The following MARCHF3 variants were observed in gnomAD, a reference collection of about 807,000 sequenced individuals.
The protein encoded by MARCHF3 is membrane associated ring-CH-type finger 3, also known as E3 ubiquitin-protein ligase MARCHF3.
Under a neutral mutation model 24.2 loss-of-function variants are expected in MARCHF3, and 13 were observed. The observed-to-expected ratio is 0.54, with a 90% CI of 0.35 to 0.85. MARCHF3 has a LOEUF of 0.85. Among genes scored for constraint, MARCHF3 ranks in the 40% least tolerant of loss-of-function variants. The probability of loss-of-function intolerance (pLI) is 0.01; values close to 1 mark genes in which losing one functional copy is unlikely to be tolerated. For synonymous variants in MARCHF3, 144 were observed against 137.3 expected (o/e 1.05, Z -0.34); for missense variants, 276 against 325.0 (o/e 0.85, Z 1.16).
At chr5:126,994,685 C>G (rs1422812604) in intron 1 of MARCHF3, among the ~76,000 whole-genome samples, 1 of 152,160 alleles carries the variant, frequency 6.6e-6, no homozygotes. Flanking sequence ...ACAGAACTAA[C>G]AGGATATATG....
chr5:127,001,997 A>G (rs969709368), intron 1 of MARCHF3, among the ~76,000 whole-genome samples: 4 of 152,238 alleles, frequency 2.6e-5, no homozygotes, highest in African/African-American at 9.6e-5. Flanking sequence ...CTAGAACACT[A>G]CAGAATGGAC....
At chr5:126,932,543 G>C (rs559698803) in intron 1 of MARCHF3, among the ~76,000 whole-genome samples, 49 of 152,264 alleles carry the variant, frequency 3.2e-4, no homozygotes, top group African/African-American at 1.1e-3. Context: ...GGGGAGGATG[G>C]GCCAGAGCTT....
At chr5:126,900,192 T>C (rs1337850651) in intron 3 of MARCHF3, among the ~76,000 whole-genome samples, 1 of 152,008 alleles carries the variant, frequency 6.6e-6, no homozygotes, top group Non-Finnish European at 1.5e-5. Flanking sequence ...GAAAGGCTTA[T>C]CGGCAAAGAA....
Position 126,895,056 on chromosome 5 carries a change from C to T in MARCHF3, c.394-16662G>A, listed in dbSNP as rs563629860. Among the ~76,000 whole-genome samples, 463 of 152,032 alleles carry T rather than the reference C, an allele frequency of 3.0e-3. 1 individual carries two copies. Among genetic ancestry groups the T allele is most frequent in the African/African-American group, 0.011 (445 of 41,470 alleles). ...ACTTCCCTTCTCGCTTCATTTCATT[C>T]ATTTCATCTTCCATTGCTGATGCCC... On this transcript the variant is annotated intron_variant, in intron 3 of 4. Transcript: ENST00000308660.
At chr5:126,937,954 A>T (rs1749700703) in intron 1 of MARCHF3, among the ~76,000 whole-genome samples, 1 of 152,172 alleles carries the variant, frequency 6.6e-6, no homozygotes, top group Non-Finnish European at 1.5e-5. Context: ...TGCTCTTTTG[A>T]TAAGACTCAA....
intron 1 of MARCHF3, among the ~76,000 whole-genome samples, chr5:126,999,477 A>G (rs1752053972): frequency 1.3e-5 from 2 of 152,048 alleles, no homozygotes; most frequent in Non-Finnish European, 2.9e-5. Flanking sequence ...TTGTTCTCTC[A>G]GGCTACTCTC....
intron 3 of MARCHF3, among the ~76,000 whole-genome samples, chr5:126,878,797 A>T (rs7716410): frequency 6.6e-6 from 1 of 151,886 alleles, no homozygotes; most frequent in African/African-American, 2.4e-5. Context: ...GAAACGGTTG[A>T]GTTGCTCAAG....
At chr5:126,915,931 A>C (rs1754713277) in intron 2 of MARCHF3, among the ~76,000 whole-genome samples, 1 of 152,212 alleles carries the variant, frequency 6.6e-6, no homozygotes, top group African/African-American at 2.4e-5. Context: ...AAGTAACTTC[A>C]TCTCCCCATA....
At chr5:126,933,501 G>T (rs1749541630) in intron 1 of MARCHF3, among the ~76,000 whole-genome samples, 1 of 150,564 alleles carries the variant, frequency 6.6e-6, no homozygotes, top group South Asian at 2.1e-4. Context: ...CTGGAATGCA[G>T]TGGTGCGATC....
intron 1 of MARCHF3, among the ~76,000 whole-genome samples, chr5:126,947,888 G>C (rs116044745): frequency 2.2e-4 from 33 of 152,028 alleles, no homozygotes; most frequent in African/African-American, 7.2e-4. Context: ...TGGGAGGGGT[G>C]GGGGGGCAGC....
At position 126,918,037 on chromosome 5, in the gene MARCHF3, T is replaced by C; in HGVS notation, c.135A>G (p.Ser45=). The C allele has an allele frequency of 6.2e-7, 1 of 1,614,180 alleles. No individual in the cohort carries two copies. The highest frequency in any genetic ancestry group is 1.3e-5 in the African/African-American group (1 of 75,048). The change falls in exon 2 of 5, where the codon TCA becomes TCG. Residue 45 remains serine, a synonymous_variant. Coordinates refer to ENST00000308660, the MANE Select transcript of MARCHF3 (RefSeq NM_178450.5). ...NGQPQYVMQV[S]AKDGQLLSTV... is the part of the protein sequence containing the mutation. ...TTGACAGCAGCTGCCCGTCCTTGGC[T>C]GAAACTTGCATGACATACTGCGGCT...
At chr5:126,886,995 C>G (rs1753529917) in intron 3 of MARCHF3, among the ~76,000 whole-genome samples, 1 of 152,146 alleles carries the variant, frequency 6.6e-6, no homozygotes, top group African/African-American at 2.4e-5. Flanking sequence ...CATCCAAACC[C>G]TCTTCATTTT....
At chr5:126,961,055 G>A (rs987806732) in intron 1 of MARCHF3, among the ~76,000 whole-genome samples, 1 of 152,044 alleles carries the variant, frequency 6.6e-6, no homozygotes, top group Non-Finnish European at 1.5e-5. Flanking sequence ...TGCAGCTGAT[G>A]GTGTACTTAG....
intron 1 of MARCHF3, among the ~76,000 whole-genome samples, chr5:126,990,025 C>A (rs1299068405): frequency 2.0e-5 from 3 of 151,458 alleles, no homozygotes; most frequent in Admixed American, 6.6e-5. Context: ...AGACTTTCTT[C>A]ACAGAATTAG....
intron 1 of MARCHF3, among the ~76,000 whole-genome samples, chr5:126,929,153 C>T (rs1211393016): frequency 6.6e-6 from 1 of 152,204 alleles, no homozygotes; most frequent in African/African-American, 2.4e-5. Flanking sequence ...AAGAAATTCA[C>T]GTAGAGGTCC....
chr5:126,951,916 G>T (rs994571335), intron 1 of MARCHF3, among the ~76,000 whole-genome samples: 1 of 151,806 alleles, frequency 6.6e-6, no homozygotes, highest in Admixed American at 6.6e-5. Flanking sequence ...GCACTATCTC[G>T]GCTCACTGCA....
chr5:126,980,183 A>C (rs937029325), intron 1 of MARCHF3, among the ~76,000 whole-genome samples: 4 of 152,098 alleles, frequency 2.6e-5, no homozygotes, highest in African/African-American at 9.7e-5. Flanking sequence ...TGCAGAGACT[A>C]GTAGATCCTG....
At chr5:126,888,796 G>A (rs1004984699) in intron 3 of MARCHF3, among the ~76,000 whole-genome samples, 5 of 152,038 alleles carry the variant, frequency 3.3e-5, no homozygotes, top group Non-Finnish European at 5.9e-5. Flanking sequence ...ATGGAGTCTC[G>A]CTCTGTCACC....
chr5:126,874,829 C>G (rs574702168), intron 4 of MARCHF3, among the ~76,000 whole-genome samples: 1 of 151,970 alleles, frequency 6.6e-6, no homozygotes, highest in African/African-American at 2.4e-5. Context: ...GCTTGTAGGC[C>G]GTGTGGGGGA....
Sources: gnomAD v4.1 joint callset for allele counts (sites outside exome capture counted in the v4.1 genomes callset) on GRCh38, gnomAD v4.1.1 for gene constraint, MANE v1.5 for transcripts, NCBI Gene and HGNC (gene_info 2026-07-23, HGNC 2026-07-21) for gene names.